Variants in CACNA1C observed in about 807,000 individuals in gnomAD.
The protein encoded by CACNA1C is voltage-dependent L-type calcium channel subunit alpha-1C.
A neutral mutation model predicts 229.0 loss-of-function variants in CACNA1C; 30 were observed. The ratio of observed to expected loss-of-function variants is 0.13; its 90% CI spans 0.10 to 0.18. CACNA1C has a LOEUF of 0.18. CACNA1C is among the 10% of genes least tolerant of loss of function. CACNA1C has a pLI of 1.00. For synonymous variants in CACNA1C, 1,114 were observed against 1,132.5 expected, an observed-to-expected ratio of 0.98 and a Z score of 0.33; for missense variants, 1,658 against 2,845.0, an observed-to-expected ratio of 0.58 and a Z score of 9.49.
chr12:2,318,927 GGGAA>G (rs900070030), intron 3 of CACNA1C, among the ~76,000 whole-genome samples: 14 of 151,812 alleles, frequency 9.2e-5, no homozygotes, highest in African/African-American at 2.9e-4. Flanking sequence ...GAGGAGAGCA[GGGAA>G]GGAAGGAAGG....
intron 3 of CACNA1C, among the ~76,000 whole-genome samples, chr12:2,144,577 C>G (rs920491644): frequency 6.6e-6 from 1 of 151,154 alleles, no homozygotes; most frequent in African/African-American, 2.4e-5. Flanking sequence ...ATTATTTATT[C>G]ATTTATAACT....
chr12:2,404,382 G>A (rs2098712791), intron 3 of CACNA1C, among the ~76,000 whole-genome samples: 1 of 152,078 alleles, frequency 6.6e-6, no homozygotes, highest in African/African-American at 2.4e-5. Flanking sequence ...CCTTTCTCAG[G>A]GTAAAGGCCA....
intron 9 of CACNA1C, among the ~76,000 whole-genome samples, chr12:2,537,497 T>C (rs534948366): frequency 1.3e-5 from 2 of 152,330 alleles, no homozygotes; most frequent in South Asian, 4.1e-4. Flanking sequence ...CTGATGTTGC[T>C]ATTGCACACT....
intron 3 of CACNA1C, among the ~76,000 whole-genome samples, chr12:2,401,051 T>C (rs1231348446): frequency 6.6e-6 from 1 of 152,148 alleles, no homozygotes; most frequent in African/African-American, 2.4e-5. Flanking sequence ...CCCCCAAGGC[T>C]TGGTCCTCCC....
chr12:2,541,979 A>C (rs1421850427), intron 9 of CACNA1C, among the ~76,000 whole-genome samples: 1 of 152,166 alleles, frequency 6.6e-6, no homozygotes, highest in Non-Finnish European at 1.5e-5. Flanking sequence ...GATATTCTCT[A>C]TGAGGATGGT....
intron 9 of CACNA1C, chr12:2,547,605 C>T (rs2099883974): frequency 2.7e-6 from 2 of 751,636 alleles, no homozygotes; most frequent in South Asian, 2.8e-5. Context: ...CTCTTGATGG[C>T]TTGTGCCGCA....
In CACNA1C at chr12:2,053,447, A is replaced by T; in HGVS notation, c.-116A>T. 6.8e-7 allele frequency: 1 copy of T among 1,475,724 alleles called. No homozygotes were observed. 91.4% of individuals were successfully genotyped at this position (1,475,724 alleles called of 1,614,324 possible). On this transcript the variant is annotated 5_prime_UTR_variant, in exon 1 of 47. Transcript: ENST00000399655. The surrounding 1 kb of genome is among the most constrained non-coding windows in gnomAD (Gnocchi z 5.8). ...AACGCTGCAGACCACGGCTTCCTCGAATCTTGCGCGAAAGCCGCCGGCCTC... is the reference window on the plus strand; with the variant it reads ...AACGCTGCAGACCACGGCTTCCTCGTATCTTGCGCGAAAGCCGCCGGCCTC...
intron 1 of CACNA1C, among the ~76,000 whole-genome samples, chr12:2,095,360 G>C (rs2073406541): frequency 6.6e-6 from 1 of 152,248 alleles, no homozygotes; most frequent in Non-Finnish European, 1.5e-5. Context: ...GAGTCACAGA[G>C]ATGATCGAGT....
At chr12:2,088,247 C>A (rs1313180764) in intron 1 of CACNA1C, among the ~76,000 whole-genome samples, 1 of 152,184 alleles carries the variant, frequency 6.6e-6, no homozygotes, top group Admixed American at 6.5e-5. Flanking sequence ...ATGCTGTTTC[C>A]TAGAAATAGC....
chr12:2,455,235 T>C (rs1268393767), intron 4 of CACNA1C, among the ~76,000 whole-genome samples: 2 of 152,170 alleles, frequency 1.3e-5, no homozygotes, highest in East Asian at 3.9e-4. Context: ...AGTAACCCCC[T>C]TTTTTTCTCT....
chr12:2,290,499 G>A (rs1334051240), intron 3 of CACNA1C, among the ~76,000 whole-genome samples: 2 of 152,162 alleles, frequency 1.3e-5, no homozygotes, highest in African/African-American at 2.4e-5. Context: ...CAGAAAAAAT[G>A]CCCTCTTGGG....
At chr12:2,278,211 A>G (rs923502819) in intron 3 of CACNA1C, among the ~76,000 whole-genome samples, 3 of 152,260 alleles carry the variant, frequency 2.0e-5, no homozygotes, top group South Asian at 2.1e-4. Context: ...ATTTTCATAC[A>G]TAAGATTCAC....
upstream of CACNA1C, among the ~76,000 whole-genome samples, chr12:2,050,553 G>A (rs1042055710): frequency 5.9e-5 from 9 of 152,218 alleles, no homozygotes; most frequent in Non-Finnish European, 1.0e-4. Flanking sequence ...AGCTACAGCA[G>A]CCTCTGAAAC....
rs1451082830 is a variant in CACNA1C at position 2,597,419 on chromosome 12, A to G, written c.2853+130A>G. On this transcript the variant is annotated intron_variant, in intron 21 of 46. Coordinates refer to ENST00000399655, the MANE Select transcript of CACNA1C (RefSeq NM_000719.7). The surrounding 1 kb of genome is among the most constrained non-coding windows in gnomAD (Gnocchi z 4.3). ...GTTCACTCTCAGAGCCACTAATCCA[A>G]TTATGCTTATTTTTCAGATCCTAGG... 2 of 1,594,674 alleles carry G rather than the reference A, an allele frequency of 1.3e-6. No homozygotes were observed. Among genetic ancestry groups the G allele is most frequent in the Non-Finnish European group, 1.7e-6 (2 of 1,162,698 alleles).
At chr12:2,037,839 A>C (rs2049407779) in intron 1 of CACNA1C, among the ~76,000 whole-genome samples, 1 of 152,202 alleles carries the variant, frequency 6.6e-6, no homozygotes, top group Admixed American at 6.5e-5. Context: ...CTACTGAATC[A>C]GAATCTGTAT....
At chr12:2,204,985 C>CT (rs1187055306) in intron 3 of CACNA1C, among the ~76,000 whole-genome samples, 1 of 151,928 alleles carries the variant, frequency 6.6e-6, no homozygotes, top group Non-Finnish European at 1.5e-5. Context: ...AAAAAAACCT[C>CT]TTAGATACTC....
intron 18 of CACNA1C, among the ~76,000 whole-genome samples, chr12:2,590,812 T>C (rs1315973205): frequency 1.3e-5 from 2 of 152,198 alleles, no homozygotes; most frequent in Non-Finnish European, 2.9e-5. Context: ...TTACCTGTTA[T>C]CAAATTATCA....
intron 3 of CACNA1C, among the ~76,000 whole-genome samples, chr12:2,140,240 G>C (rs953907779): frequency 6.6e-6 from 1 of 151,296 alleles, no homozygotes; most frequent in Non-Finnish European, 1.5e-5. Context: ...GTGGGTGGAC[G>C]ATTTGCAGAA....
intron 3 of CACNA1C, among the ~76,000 whole-genome samples, chr12:2,430,858 C>T (rs1353056475): frequency 6.6e-6 from 1 of 152,118 alleles, no homozygotes; most frequent in East Asian, 1.9e-4. Context: ...ACCCTGGCCT[C>T]ACTCTGTTTC....
Sources: allele counts gnomAD v4.1 joint callset (sites outside exome capture counted in the v4.1 genomes callset), GRCh38; gene constraint gnomAD v4.1.1; non-coding constraint Gnocchi (gnomAD v3.1); transcripts MANE v1.5; gene names NCBI Gene and HGNC (gene_info 2026-07-23, HGNC 2026-07-21).